Variants in DAGLA observed in about 807,000 individuals in gnomAD.
DAGLA encodes diacylglycerol lipase-alpha.
Under a neutral mutation model 102.6 loss-of-function variants are expected in DAGLA, and 22 were observed. The observed-to-expected ratio is 0.21, with a 90% CI of 0.15 to 0.31. The LOEUF (loss-of-function observed/expected upper bound fraction) is 0.31, where lower values mean the gene tolerates loss of function less well. Among genes scored for constraint, DAGLA ranks in the 10% least tolerant of loss-of-function variants. The probability of loss-of-function intolerance (pLI) is 1.00; values close to 1 mark genes in which losing one functional copy is unlikely to be tolerated. For synonymous variants in DAGLA, 578 were observed against 628.9 expected, an observed-to-expected ratio of 0.92 and a Z score of 1.21; for missense variants, 927 against 1,446.6, an observed-to-expected ratio of 0.64 and a Z score of 5.83.
At chr11:61,735,231 C>G (rs752789188) in intron 10 of DAGLA, among the ~76,000 whole-genome samples, 1 of 152,210 alleles carries the variant, frequency 6.6e-6, no homozygotes, top group African/African-American at 2.4e-5. Context: ...CAACCCCACA[C>G]CCAGTGTTTG....
chr11:61,723,274 C>T (rs1441923070), intron 4 of DAGLA, among the ~76,000 whole-genome samples, 160 bp from the exon 5 acceptor site: 2 of 152,146 alleles, frequency 1.3e-5, no homozygotes, highest in Admixed American at 1.3e-4. Flanking sequence ...AGGGTGGCCA[C>T]GTATGTGGCC....
chr11:61,721,717 C>G (rs1368462124), intron 3 of DAGLA, among the ~76,000 whole-genome samples: 2 of 152,230 alleles, frequency 1.3e-5, no homozygotes, highest in African/African-American at 4.8e-5. Flanking sequence ...GCAGCCCCTT[C>G]TGGTCATTTG....
intron 1 of DAGLA, among the ~76,000 whole-genome samples, chr11:61,703,645 G>A (rs554760147): frequency 6.6e-6 from 1 of 151,590 alleles, no homozygotes; most frequent in East Asian, 2.0e-4. Flanking sequence ...TAGAATGACT[G>A]GAAATGGTGA....
Position 61,708,297 on chromosome 11 carries a change from C to T in DAGLA, c.-44-11815C>T, listed in dbSNP as rs533532817. 1.1e-4 allele frequency among the ~76,000 whole-genome samples: 17 copies of T among 152,250 alleles called. No homozygotes were observed. The East Asian group carries it at 1.4e-3, about 12-fold the overall frequency. ...TGTTGGGATTACAGGCGTGAGCCAC[C>T]GCGCCCGACTTGGGGGTTGATTTAA... On this transcript the variant is annotated intron_variant, in intron 1 of 19. Coordinates refer to ENST00000257215, the MANE Select transcript of DAGLA (RefSeq NM_006133.3).
Position 61,720,860 on chromosome 11 carries a change from T to A in DAGLA, c.277T>A (p.Ser93Thr). 6.2e-7 allele frequency: 1 copy of A among 1,613,418 alleles called. No homozygotes were observed. Among genetic ancestry groups the A allele is most frequent in the Non-Finnish European group, 8.5e-7 (1 of 1,180,038 alleles). Residue 93 changes from serine to threonine, a missense_variant, in exon 3 of 20, where the codon TCC (serine) becomes ACC (threonine). Physicochemically the swap from Ser to Thr is moderately conservative, Grantham distance 58. This residue lies in a region of DAGLA where 231 missense variants were observed against 439.8 expected (regional missense o/e 0.53). Coordinates refer to ENST00000257215, the MANE Select transcript of DAGLA (RefSeq NM_006133.3). ...GGILYTEPRDSMQYVLYVRLA... is the reference protein window; with the variant it reads ...GGILYTEPRDTMQYVLYVRLA... ...CATCCTCTACACGGAGCCCCGTGACTCCATGCAGTACGTGCTCTACGTGCG... is the reference window on the plus strand; with the variant it reads ...CATCCTCTACACGGAGCCCCGTGACACCATGCAGTACGTGCTCTACGTGCG...
At chr11:61,728,609 C>A (rs1229245919) in intron 7 of DAGLA, among the ~76,000 whole-genome samples, 1 of 152,220 alleles carries the variant, frequency 6.6e-6, no homozygotes, top group African/African-American at 2.4e-5. Context: ...TGCGTGGCCG[C>A]TCCGCCCACC....
intron 15 of DAGLA, 55 bp downstream of exon 15, chr11:61,737,810 A>G (rs2065437717): frequency 1.4e-6 from 2 of 1,469,620 alleles, no homozygotes; most frequent in Admixed American, 1.7e-5. Context: ...TCCCTCCTCC[A>G]GGCCTCTCCC....
At chr11:61,716,608 C>T (rs933301809) in intron 1 of DAGLA, among the ~76,000 whole-genome samples, 1 of 152,072 alleles carries the variant, frequency 6.6e-6, no homozygotes, top group African/African-American at 2.4e-5. Flanking sequence ...GCTTTCTGCT[C>T]AGGTGATAAG....
At position 61,743,918 on chromosome 11, in the gene DAGLA, C is replaced by G. The variant is rs376194108; in HGVS notation, c.2558C>G (p.Thr853Arg). Residue 853 changes from threonine (T) to arginine (R), a missense_variant, in exon 20 of 20, where the codon ACG becomes AGG. Coordinates refer to ENST00000257215, the MANE Select transcript of DAGLA (RefSeq NM_006133.3). ...ADSLSKHSQDTQPLEAALGSG... is the reference protein window; with the variant it reads ...ADSLSKHSQDRQPLEAALGSG... ...AGCCTGTCCAAGCACTCACAGGACACGCAGCCCCTGGAGGCGGCCCTGGGC... is the reference window on the plus strand; with the variant it reads ...AGCCTGTCCAAGCACTCACAGGACAGGCAGCCCCTGGAGGCGGCCCTGGGC... 32 of 1,612,090 alleles carry G rather than the reference C, an allele frequency of 2.0e-5. No homozygotes were observed. The highest frequency in any genetic ancestry group is 6.8e-6 in the Non-Finnish European group (8 of 1,179,806).
intron 1 of DAGLA, among the ~76,000 whole-genome samples, chr11:61,693,692 G>A (rs932823461): frequency 2.6e-5 from 4 of 152,188 alleles, no homozygotes; most frequent in Non-Finnish European, 5.9e-5. Context: ...GTCTGGTCTG[G>A]GGTCCCCGGT....
intron 6 of DAGLA, among the ~76,000 whole-genome samples, chr11:61,726,971 G>A: frequency 6.6e-6 from 1 of 152,246 alleles, no homozygotes; most frequent in East Asian, 1.9e-4. Context: ...AGGCCATGCA[G>A]AGGGCAGAGA....
chr11:61,715,575 C>G (rs916159753), intron 1 of DAGLA, among the ~76,000 whole-genome samples: 18 of 152,204 alleles, frequency 1.2e-4, no homozygotes, highest in African/African-American at 4.1e-4. Context: ...TACCTTAGGA[C>G]GAGGGGGCGA....
intron 1 of DAGLA, among the ~76,000 whole-genome samples, chr11:61,690,927 G>A (rs973469921): frequency 6.6e-6 from 1 of 152,152 alleles, no homozygotes; most frequent in African/African-American, 2.4e-5. Flanking sequence ...TTGTCCAACC[G>A]ACCTTCACCG....
chr11:61,706,704 C>T lies in DAGLA; in HGVS notation c.-44-13408C>T, dbSNP rs138024503. 2.7e-3 allele frequency among the ~76,000 whole-genome samples: 414 copies of T among 152,330 alleles called. 2 individuals are homozygous for T. Among genetic ancestry groups the T allele is most frequent in the African/African-American group, 9.3e-3 (386 of 41,572 alleles). On this transcript the variant is annotated intron_variant, in intron 1 of 19. Transcript: ENST00000257215. Reference sequence around the variant, plus strand: ...CATGAGCTGTGACGCAGGCTGACCCCGCCGAGGTCCCCTAGCTCTCGCTGA... The same window carrying T: ...CATGAGCTGTGACGCAGGCTGACCCTGCCGAGGTCCCCTAGCTCTCGCTGA...
At chr11:61,718,312 C>A (rs563577327) in intron 1 of DAGLA, among the ~76,000 whole-genome samples, 4 of 152,252 alleles carry the variant, frequency 2.6e-5, no homozygotes, top group Non-Finnish European at 4.4e-5. Flanking sequence ...TAGATTCATT[C>A]CATTTCATTC....
intron 1 of DAGLA, among the ~76,000 whole-genome samples, chr11:61,716,984 C>T (rs2065240142): frequency 6.6e-6 from 1 of 152,106 alleles, no homozygotes; most frequent in South Asian, 2.1e-4. Context: ...CCCAGCAGTG[C>T]CCCTGTGGCC....
At chr11:61,738,110 C>T (rs770922961) in intron 15 of DAGLA, 25 bp from the exon 16 acceptor site, 36 of 1,603,900 alleles carry the variant, frequency 2.2e-5, no homozygotes, top group South Asian at 1.4e-4. Context: ...GCCTGGCTGA[C>T]GGCCCTGTCT....
At chr11:61,700,982 T>C (rs1199257000) in intron 1 of DAGLA, among the ~76,000 whole-genome samples, 1 of 152,196 alleles carries the variant, frequency 6.6e-6, no homozygotes, top group Non-Finnish European at 1.5e-5. Flanking sequence ...CACTGACAGG[T>C]GAGGAAATCT....
At chr11:61,709,175 C>A (rs1169381009) in intron 1 of DAGLA, among the ~76,000 whole-genome samples, 1 of 152,186 alleles carries the variant, frequency 6.6e-6, no homozygotes, top group Non-Finnish European at 1.5e-5. Context: ...CTAGAATGGA[C>A]CTGAGAGCAT....
Sources: gnomAD v4.1 joint callset for allele counts (sites outside exome capture counted in the v4.1 genomes callset) on GRCh38, gnomAD v4.1.1 for gene constraint, gnomAD v4.1.1 regional missense constraint, MANE v1.5 for transcripts, NCBI Gene and HGNC (gene_info 2026-07-23, HGNC 2026-07-21) for gene names.